SGCZ: variants seen among roughly 807,000 people sequenced by gnomAD.
The protein encoded by SGCZ is zeta-sarcoglycan.
A neutral mutation model predicts 41.3 loss-of-function variants in SGCZ; 40 were observed. The observed-to-expected ratio is 0.97, with a 90% CI of 0.75 to 1.26. SGCZ has a LOEUF of 1.26. Among genes scored for constraint, SGCZ ranks in the 50% most tolerant of loss-of-function variants. SGCZ has a pLI of 0.00. For synonymous variants in SGCZ, 206 were observed against 137.5 expected (o/e 1.50, Z -3.49); for missense variants, 552 against 369.8 (o/e 1.49, Z -4.04).
At chr8:14,689,870 G>A (rs145444660) in intron 1 of SGCZ, among the ~76,000 whole-genome samples, 4 of 152,276 alleles carry the variant, frequency 2.6e-5, no homozygotes, top group East Asian at 1.9e-4. Flanking sequence ...ACACCAAGGA[G>A]AAAAATGGGC....
chr8:14,729,850 C>T (rs189354340), intron 1 of SGCZ, among the ~76,000 whole-genome samples: 14 of 152,230 alleles, frequency 9.2e-5, no homozygotes, highest in East Asian at 5.8e-4. Flanking sequence ...TTTAGGAGGA[C>T]GAGGCAGGCA....
chr8:14,465,442 G>C (rs1801021807), intron 2 of SGCZ, among the ~76,000 whole-genome samples: 1 of 151,372 alleles, frequency 6.6e-6, no homozygotes, highest in Non-Finnish European at 1.5e-5. Context: ...TGTGTCTTTG[G>C]ATAAAGAGGG....
At chr8:15,180,289 T>G (rs1346430981) in intron 1 of SGCZ, among the ~76,000 whole-genome samples, 1 of 152,162 alleles carries the variant, frequency 6.6e-6, no homozygotes, top group Non-Finnish European at 1.5e-5. Context: ...GACAGATGAA[T>G]AAATACTGTC....
chr8:14,885,809 G>A (rs1804766059), intron 1 of SGCZ, among the ~76,000 whole-genome samples: 2 of 151,492 alleles, frequency 1.3e-5, no homozygotes, highest in African/African-American at 4.9e-5. Context: ...TGTTGTTGAT[G>A]ATGTTATATT....
intron 1 of SGCZ, among the ~76,000 whole-genome samples, chr8:14,965,275 C>T (rs1801096562): frequency 1.3e-5 from 2 of 152,098 alleles, no homozygotes; most frequent in Admixed American, 6.6e-5. Context: ...TCCAGTCAAA[C>T]TGGTAGGTGC....
intron 1 of SGCZ, among the ~76,000 whole-genome samples, chr8:14,821,399 A>C (rs374018044): frequency 7.8e-4 from 119 of 152,212 alleles, no homozygotes; most frequent in African/African-American, 2.6e-3. Flanking sequence ...CATTAAAAGA[A>C]CTAATACCAA....
At chr8:14,716,663 C>T (rs892610273) in intron 1 of SGCZ, among the ~76,000 whole-genome samples, 1 of 152,072 alleles carries the variant, frequency 6.6e-6, no homozygotes, top group East Asian at 1.9e-4. Context: ...TTGCTGCACA[C>T]ATTTTTGCAA....
chr8:14,453,831 A>C (rs1473471611), intron 2 of SGCZ, among the ~76,000 whole-genome samples: 1 of 152,202 alleles, frequency 6.6e-6, no homozygotes, highest in Admixed American at 6.5e-5. Context: ...TCAGTTTTTA[A>C]AAAGAGTGAT....
In SGCZ at chr8:14,086,685, A is replaced by C. The variant is rs1801531154; in HGVS notation, c.*3758T>G. On this transcript the variant is annotated 3_prime_UTR_variant, in exon 8 of 8. Transcript: ENST00000382080. The stretch of plus-strand genomic sequence containing the variant: ...ACCATATTACTGAATCCTGTTAACC[A>C]GGCATGATTTTTCCAAAGGAACCTT... Among the ~76,000 whole-genome samples, 1 of 151,710 alleles carries C rather than the reference A, an allele frequency of 6.6e-6. No individual in the cohort carries two copies. Among genetic ancestry groups the C allele is most frequent in the Admixed American group, 6.6e-5 (1 of 15,190 alleles).
chr8:15,196,977 G>A (rs1800752357), intron 1 of SGCZ, among the ~76,000 whole-genome samples: 1 of 152,146 alleles, frequency 6.6e-6, no homozygotes, highest in African/African-American at 2.4e-5. Flanking sequence ...TTTACATGGT[G>A]GTCTCAGAGC....
intron 1 of SGCZ, among the ~76,000 whole-genome samples, chr8:14,731,380 T>G (rs1296334893): frequency 1.4e-5 from 2 of 147,098 alleles, no homozygotes; most frequent in African/African-American, 2.5e-5. Context: ...CACTGGGGTC[T>G]GTCAGGGGGT....
rs1160002473 is a variant in SGCZ at position 14,432,923 on chromosome 8, A to C, written c.235-108719T>G. Among the ~76,000 whole-genome samples the C allele has an allele frequency of 4.7e-3, 121 of 25,654 alleles. 2 individuals carry two copies. The highest frequency in any genetic ancestry group is 0.027 in the Non-Finnish European group (102 of 3,762). 16.8% of individuals were successfully genotyped at this position (25,654 alleles called of 152,430 possible). Reference sequence around the variant, plus strand: ...AGTGAGACTGTGTCTCCAAAAAAAAAAAAAAAAAAAAAAAAAAAAGCTTAC... The same window carrying C: ...AGTGAGACTGTGTCTCCAAAAAAAACAAAAAAAAAAAAAAAAAAAGCTTAC... On this transcript the variant is annotated intron_variant, in intron 2 of 7. Coordinates refer to ENST00000382080, the MANE Select transcript of SGCZ (RefSeq NM_139167.4).
At chr8:14,426,966 C>A (rs1237941671) in intron 2 of SGCZ, among the ~76,000 whole-genome samples, 3 of 151,954 alleles carry the variant, frequency 2.0e-5, no homozygotes, top group Non-Finnish European at 2.9e-5. Context: ...CACTTAAAAG[C>A]TGATTCTTTA....
intron 4 of SGCZ, among the ~76,000 whole-genome samples, chr8:14,235,043 T>A (rs1418629228): frequency 2.0e-5 from 3 of 152,178 alleles, no homozygotes; most frequent in African/African-American, 7.2e-5. Context: ...CAATATACAA[T>A]TCCCTACCGT....
At chr8:14,868,705 G>T (rs1036509139) in intron 1 of SGCZ, among the ~76,000 whole-genome samples, 2 of 152,056 alleles carry the variant, frequency 1.3e-5, no homozygotes, top group Admixed American at 6.6e-5. Flanking sequence ...AATGTAATCT[G>T]CTATATGAAC....
At chr8:15,202,942 C>T (rs1483334934) in intron 1 of SGCZ, among the ~76,000 whole-genome samples, 1 of 152,020 alleles carries the variant, frequency 6.6e-6, no homozygotes, top group African/African-American at 2.4e-5. Flanking sequence ...GAAACCCTGT[C>T]TCTACAAAAA....
chr8:14,977,003 G>T (rs1015049457), intron 1 of SGCZ, among the ~76,000 whole-genome samples: 3 of 152,184 alleles, frequency 2.0e-5, no homozygotes, highest in African/African-American at 7.2e-5. Context: ...TTTCAAACAT[G>T]CAATAGCACA....
At chr8:14,343,299 G>C (rs1413229185) in intron 2 of SGCZ, among the ~76,000 whole-genome samples, 2 of 152,166 alleles carry the variant, frequency 1.3e-5, no homozygotes, top group Non-Finnish European at 2.9e-5. Context: ...GCTGCAAGAA[G>C]AGGGCCACCA....
chr8:15,175,267 A>C (rs1799961234), intron 1 of SGCZ, among the ~76,000 whole-genome samples: 1 of 152,148 alleles, frequency 6.6e-6, no homozygotes, highest in East Asian at 1.9e-4. Context: ...AATAGCAAAA[A>C]CATGGAATCA....
Sources: gnomAD v4.1 joint callset for allele counts (sites outside exome capture counted in the v4.1 genomes callset) on GRCh38, gnomAD v4.1.1 for gene constraint, MANE v1.5 for transcripts, NCBI Gene and HGNC (gene_info 2026-07-23, HGNC 2026-07-21) for gene names.